The following RORA variants were observed in gnomAD, a reference collection of about 807,000 sequenced individuals.
The protein encoded by RORA is RAR related orphan receptor A.
Under a neutral mutation model 69.5 loss-of-function variants are expected in RORA, and 7 were observed. That is an observed-to-expected ratio of 0.10 (90% CI 0.06 to 0.19). The LOEUF is 0.19. Ranked by LOEUF, RORA falls within the 10% of genes least tolerant of loss-of-function variation. The pLI is 1.00. For synonymous variants in RORA, 261 were observed against 240.8 expected, an observed-to-expected ratio of 1.08 and a Z score of -0.78; for missense variants, 457 against 663.0, an observed-to-expected ratio of 0.69 and a Z score of 3.41.
At chr15:60,946,393 G>C (rs182855855) in intron 1 of RORA, among the ~76,000 whole-genome samples, 13 of 152,134 alleles carry the variant, frequency 8.5e-5, no homozygotes, top group Admixed American at 2.0e-4. Context: ...TCAGCCTGCC[G>C]AGTGCCTGCG....
intron 1 of RORA, among the ~76,000 whole-genome samples, chr15:60,834,256 C>G (rs949635415): frequency 6.6e-6 from 1 of 152,204 alleles, no homozygotes; most frequent in Non-Finnish European, 1.5e-5. Context: ...CAACCTTGAA[C>G]CTTACTCTCA....
chr15:61,057,633 C>CTATAGACACTAT (rs972028736), intron 1 of RORA, among the ~76,000 whole-genome samples: 47 of 152,224 alleles, frequency 3.1e-4, no homozygotes, highest in African/African-American at 1.1e-3. Flanking sequence ...CTCTGAGACA[C>CTATAGACACTAT]AGACATCTAT....
At chr15:61,136,069 A>T (rs1375397976) in intron 1 of RORA, among the ~76,000 whole-genome samples, 2 of 152,130 alleles carry the variant, frequency 1.3e-5, no homozygotes, top group African/African-American at 2.4e-5. Flanking sequence ...CTTTTTAGGT[A>T]TCGACCCTGG....
At chr15:60,937,786 G>A (rs1049419353) in intron 1 of RORA, among the ~76,000 whole-genome samples, 1 of 152,200 alleles carries the variant, frequency 6.6e-6, no homozygotes, top group Non-Finnish European at 1.5e-5. Context: ...AATATTATCA[G>A]TCAAATGGGG....
At chr15:61,141,988 A>AG (rs1476198348) in intron 1 of RORA, among the ~76,000 whole-genome samples, 3 of 152,108 alleles carry the variant, frequency 2.0e-5, no homozygotes, top group South Asian at 4.1e-4. Flanking sequence ...GAGGGACAGG[A>AG]GGGTAAATAT....
chr15:60,520,240 C>G (rs2066118942), intron 3 of RORA: 1 of 152,108 alleles, frequency 6.6e-6, no homozygotes, highest in Non-Finnish European at 1.5e-5. Flanking sequence ...TATCAAATAT[C>G]AGATGCGAGA....
chr15:61,219,178 A>C (rs1365423592), intron 1 of RORA, among the ~76,000 whole-genome samples: 1 of 152,222 alleles, frequency 6.6e-6, no homozygotes, highest in Non-Finnish European at 1.5e-5. Flanking sequence ...AAAAAATAAC[A>C]ATTACTGACA....
chr15:60,529,398 T>C (rs1053132523), intron 3 of RORA: 3 of 152,246 alleles, frequency 2.0e-5, no homozygotes, highest in East Asian at 3.8e-4. Context: ...GTGTTAGTTA[T>C]AGCAGAGAGA....
At chr15:61,206,708 G>A (rs2079944867) in intron 1 of RORA, among the ~76,000 whole-genome samples, 1 of 152,124 alleles carries the variant, frequency 6.6e-6, no homozygotes. Context: ...ATCACACCTG[G>A]ATGCAGTTTG....
chr15:60,515,965 A>ATT (rs1449619976), intron 3 of RORA, among the ~76,000 whole-genome samples: 304 of 22,998 alleles, frequency 0.013, 75 homozygotes, highest in African/African-American at 0.038. Flanking sequence ...ATTTATATTT[A>ATT]TATATATTTA....
intron 1 of RORA, among the ~76,000 whole-genome samples, chr15:60,854,735 A>G (rs138988105): frequency 1.2e-3 from 180 of 152,344 alleles, no homozygotes; most frequent in African/African-American, 3.9e-3. Flanking sequence ...TGGTCCCTCC[A>G]AGTGTTCTCT....
At chr15:60,553,693 C>A (rs2067283434) in intron 2 of RORA, among the ~76,000 whole-genome samples, 1 of 152,128 alleles carries the variant, frequency 6.6e-6, no homozygotes, top group Non-Finnish European at 1.5e-5. Flanking sequence ...GTAAAGGTGC[C>A]CTCTGCCCCA....
rs150469668 is a variant in RORA, at chr15:60,944,367, C to A, written c.167-265681G>T. On this transcript the variant is annotated intron_variant, in intron 1 of 10. Transcript: ENST00000335670. Reference sequence around the variant, plus strand: ...CGTACTAAGGGCCAGGGACTCTGCACAAACTGCCTTAATGGGTGGAGTTAC... The same window carrying A: ...CGTACTAAGGGCCAGGGACTCTGCAAAAACTGCCTTAATGGGTGGAGTTAC... Among the ~76,000 whole-genome samples, 853 of 152,222 alleles carry A rather than the reference C, an allele frequency of 5.6e-3. 8 individuals are homozygous for A. Among genetic ancestry groups the A allele is most frequent in the African/African-American group, 0.02 (810 of 41,536 alleles).
chr15:61,114,407 G>A (rs192643996), intron 1 of RORA, among the ~76,000 whole-genome samples: 416 of 152,286 alleles, frequency 2.7e-3, no homozygotes, highest in African/African-American at 9.6e-3. Flanking sequence ...AAAAACAGGG[G>A]AGTGGGGACC....
At chr15:60,583,628 T>C (rs1483623061) in intron 2 of RORA, among the ~76,000 whole-genome samples, 1 of 152,166 alleles carries the variant, frequency 6.6e-6, no homozygotes, top group African/African-American at 2.4e-5. Flanking sequence ...CAGGGTTCTC[T>C]CCTGTTTGGG....
At chr15:60,908,030 G>A (rs116169174) in intron 1 of RORA, among the ~76,000 whole-genome samples, 253 of 152,260 alleles carry the variant, frequency 1.7e-3, no homozygotes, top group African/African-American at 5.8e-3. Context: ...TCCAATGCTC[G>A]GAACGTCCCG....
chr15:60,945,202 T>C (rs1414548156), intron 1 of RORA, among the ~76,000 whole-genome samples: 1 of 152,152 alleles, frequency 6.6e-6, no homozygotes, highest in African/African-American at 2.4e-5. Flanking sequence ...AAACTCATGA[T>C]CACATAAACT....
chr15:60,574,732 G>A (rs143174016), intron 2 of RORA, among the ~76,000 whole-genome samples: 88 of 152,292 alleles, frequency 5.8e-4, no homozygotes, highest in Non-Finnish European at 5.4e-4. Context: ...TGAGGTAGAT[G>A]TTATTATCAT....
chr15:60,935,597 C>T (rs1489196472), intron 1 of RORA, among the ~76,000 whole-genome samples: 3 of 152,218 alleles, frequency 2.0e-5, no homozygotes, highest in Non-Finnish European at 2.9e-5. Flanking sequence ...AGGTCATTGT[C>T]GAGAGTCTAT....
Sources: allele counts gnomAD v4.1 joint callset (sites outside exome capture counted in the v4.1 genomes callset), GRCh38; gene constraint gnomAD v4.1.1; transcripts MANE v1.5; gene names NCBI Gene and HGNC (gene_info 2026-07-23, HGNC 2026-07-21).